The following STK31 variants were observed in gnomAD, a reference collection of about 807,000 sequenced individuals.
STK31 encodes the protein serine/threonine kinase 31.
In STK31, 89 loss-of-function variants were observed where a neutral mutation model predicts 129.7. The observed-to-expected ratio is 0.69, with a 90% CI of 0.58 to 0.82. STK31 has a LOEUF of 0.82. Ranked by LOEUF, STK31 falls within the 40% of genes least tolerant of loss-of-function variation. The probability of loss-of-function intolerance (pLI) is 0.00; values close to 1 mark genes in which losing one functional copy is unlikely to be tolerated. For synonymous variants in STK31, 448 were observed against 395.3 expected, an observed-to-expected ratio of 1.13 and a Z score of -1.58; for missense variants, 1,187 against 1,176.4, an observed-to-expected ratio of 1.01 and a Z score of -0.13.
chr7:23,726,874 TA>T (rs997969401), intron 4 of STK31, among the ~76,000 whole-genome samples: 3 of 151,968 alleles, frequency 2.0e-5, no homozygotes, highest in Admixed American at 6.6e-5. Context: ...ATGTTTATGT[TA>T]AAAAAAATTG....
chr7:23,778,506 C>T (rs982500648), intron 15 of STK31, among the ~76,000 whole-genome samples: 6 of 151,972 alleles, frequency 3.9e-5, no homozygotes, highest in Admixed American at 1.3e-4. Context: ...TTCACATAGT[C>T]GAATATTTCT....
chr7:23,786,947 T>G (rs1791321662), intron 20 of STK31, 23 bp downstream of exon 20: 1 of 1,594,852 alleles, frequency 6.3e-7, no homozygotes, highest in Non-Finnish European at 8.6e-7. Context: ...CACTATTTAT[T>G]TCCATGGATG....
chr7:23,729,868 T>C (rs1787299515), intron 6 of STK31, among the ~76,000 whole-genome samples: 1 of 152,212 alleles, frequency 6.6e-6, no homozygotes, highest in Non-Finnish European at 1.5e-5. Flanking sequence ...TATAATTGTT[T>C]TGGGAAAGTA....
chr7:23,810,764 T>A (rs1343973402), intron 22 of STK31, among the ~76,000 whole-genome samples: 2 of 106,458 alleles, frequency 1.9e-5, no homozygotes, highest in African/African-American at 4.9e-5. Flanking sequence ...TAATATATAA[T>A]ATATAAATAT....
intron 3 of STK31, among the ~76,000 whole-genome samples, chr7:23,713,161 T>C (rs550773034): frequency 5.9e-5 from 9 of 152,302 alleles, no homozygotes; most frequent in East Asian, 5.8e-4. Flanking sequence ...CTGGATGATA[T>C]AGCCTACCAC....
At chr7:23,725,784 T>G (rs993816535) in intron 4 of STK31, 4 of 152,252 alleles carry the variant, frequency 2.6e-5, no homozygotes, top group Admixed American at 1.3e-4. Context: ...TTATACCAAT[T>G]ATGTCTTCAG....
intron 8 of STK31, among the ~76,000 whole-genome samples, chr7:23,738,997 T>A (rs1390923192): frequency 6.6e-6 from 1 of 152,236 alleles, no homozygotes; most frequent in Non-Finnish European, 1.5e-5. Context: ...TACCCAGTAA[T>A]GGTATTGCTG....
intron 23 of STK31, 96 bp from the exon 24 acceptor site, chr7:23,832,040 C>G: frequency 1.2e-6 from 1 of 838,472 alleles, no homozygotes; most frequent in Admixed American, 2.5e-5. Context: ...CCCCTCCTTC[C>G]TGACTGTATT....
chr7:23,818,106 AT>A (rs935888813), intron 23 of STK31, among the ~76,000 whole-genome samples: 9 of 152,076 alleles, frequency 5.9e-5, no homozygotes, highest in African/African-American at 2.2e-4. Flanking sequence ...TCTTAAATAT[AT>A]TTTTAAATGG....
intron 10 of STK31, among the ~76,000 whole-genome samples, chr7:23,757,070 A>G (rs565027212): frequency 8.5e-4 from 129 of 152,272 alleles, no homozygotes; most frequent in African/African-American, 2.9e-3. Flanking sequence ...GAATGGTATC[A>G]GCTGTTCTTT....
chr7:23,744,433 AT>A lies in STK31; in HGVS notation c.1017+7356del, dbSNP rs147100511. On this transcript the variant is annotated intron_variant, in intron 8 of 23. Transcript: ENST00000355870. ...TTAAAATCAGTATTTTGGATTTTTC[AT>A]CTGGAATTTCAGAATTTCTTTTTGA... 7.2e-3 allele frequency among the ~76,000 whole-genome samples: 1,098 copies of A among 151,794 alleles called. 13 individuals carry two copies. The highest frequency in any genetic ancestry group is 0.026 in the African/African-American group (1,063 of 41,362).
intron 22 of STK31, among the ~76,000 whole-genome samples, chr7:23,810,278 C>G (rs886559424): frequency 6.6e-6 from 1 of 151,756 alleles, no homozygotes; most frequent in African/African-American, 2.4e-5. Flanking sequence ...TCCAAAGGTA[C>G]CTACATTGTT....
intron 1 of STK31, chr7:23,710,872 C>G (rs1363391437): frequency 1.4e-5 from 12 of 854,344 alleles, no homozygotes; most frequent in Non-Finnish European, 1.6e-5. Context: ...TGAATTTAAG[C>G]CTTAATGCTT....
intron 1 of STK31, chr7:23,710,580 C>T (rs1022893092): frequency 2.2e-6 from 3 of 1,363,522 alleles, no homozygotes; most frequent in Non-Finnish European, 2.8e-6. Flanking sequence ...GTCACGCAGC[C>T]TCCACACTCT....
chr7:23,728,072 CTTTTTTTTTT>C (rs56355518), intron 5 of STK31, among the ~76,000 whole-genome samples: 1,208 of 68,286 alleles, frequency 0.018, 24 homozygotes, highest in African/African-American at 0.069. Context: ...TTGTGTTAAG[CTTTTTTTTTT>C]TTTTTTTTTT....
In STK31 at chr7:23,812,705, C is replaced by T. The variant is rs544592080; in HGVS notation, c.2761-2439C>T. 7.4e-5 allele frequency among the ~76,000 whole-genome samples: 11 copies of T among 149,130 alleles called. No homozygotes were observed. In the South Asian group the frequency reaches 8.8e-4, roughly 12 times the overall value. ...TTTCGAATCTTCAGTGACTTTTATT[C>T]GACATTCTGTGTCCATATGCACATT... On this transcript the variant is annotated intron_variant, in intron 22 of 23. Transcript: ENST00000355870.
intron 3 of STK31, among the ~76,000 whole-genome samples, chr7:23,713,005 A>G (rs935223725): frequency 6.6e-6 from 1 of 152,182 alleles, no homozygotes; most frequent in African/African-American, 2.4e-5. Context: ...AGAATATATG[A>G]GAAGAAAGTT....
At chr7:23,735,245 A>T (rs974410152) in intron 6 of STK31, among the ~76,000 whole-genome samples, 1 of 152,186 alleles carries the variant, frequency 6.6e-6, no homozygotes, top group Non-Finnish European at 1.5e-5. Context: ...CAAAGTAATC[A>T]ATGTAATCTG....
Position 23,730,873 on chromosome 7 carries a change from TA to T in STK31, c.483+1625del, listed in dbSNP as rs1405819673. On this transcript the variant is annotated intron_variant, in intron 6 of 23. Coordinates refer to ENST00000355870, the MANE Select transcript of STK31 (RefSeq NM_031414.5). The stretch of plus-strand genomic sequence containing the variant: ...ATAAACATTTATATATATATATATA[TA>T]TATATTTTTTTTTTTTTTTTTTGGT... Among the ~76,000 whole-genome samples, 306 of 50,188 alleles carry T rather than the reference TA, an allele frequency of 6.1e-3. 5 individuals carry two copies. The highest frequency in any genetic ancestry group is 0.014 in the South Asian group (17 of 1,206). 32.9% of individuals were successfully genotyped at this position (50,188 alleles called of 152,430 possible).
Sources: gnomAD v4.1 joint callset for allele counts (sites outside exome capture counted in the v4.1 genomes callset) on GRCh38, gnomAD v4.1.1 for gene constraint, MANE v1.5 for transcripts, NCBI Gene and HGNC (gene_info 2026-07-23, HGNC 2026-07-21) for gene names.